SKI: variants seen among roughly 807,000 people sequenced by gnomAD.
The protein encoded by SKI is ski oncogene.
SKI carries 23 observed loss-of-function variants against 59.3 expected under a neutral mutation model. The ratio of observed to expected loss-of-function variants is 0.39; its 90% CI spans 0.28 to 0.55. SKI has a LOEUF of 0.55. SKI is among the 20% of genes least tolerant of loss of function. SKI has a pLI of 0.67. For missense variants in SKI, 1,017 were observed against 1,038.9 expected, an observed-to-expected ratio of 0.98 and a Z score of 0.29; for synonymous variants, 673 against 488.6, an observed-to-expected ratio of 1.38 and a Z score of -4.98.
intron 1 of SKI, among the ~76,000 whole-genome samples, chr1:2,258,117 T>C (rs1557824550): frequency 6.6e-6 from 1 of 152,212 alleles, no homozygotes; most frequent in Non-Finnish European, 1.5e-5. Flanking sequence ...TAAAGGGAAA[T>C]ATGGCAATAC....
chr1:2,242,121 C>T (rs1460044748), intron 1 of SKI, among the ~76,000 whole-genome samples: 1 of 152,224 alleles, frequency 6.6e-6, no homozygotes, highest in East Asian at 1.9e-4. Context: ...CCAGCCTCCC[C>T]ACCTAGAGAC....
At chr1:2,296,597 T>C (rs1167551433) in intron 1 of SKI, among the ~76,000 whole-genome samples, 2 of 152,182 alleles carry the variant, frequency 1.3e-5, no homozygotes, top group Non-Finnish European at 2.9e-5. Flanking sequence ...CTTGCTGACT[T>C]GCAGAGTTCT....
chr1:2,306,208 G>C lies in SKI; in HGVS notation c.1956G>C (p.Lys652Asn). ...CGCGGCAGGCCCGGGTGTGCGACAA[G>C]GGCTGCGAGGCGGGCCGCCTGCGCG... ...EQARQARVCD[K>N]GCEAGRLRAK... The change falls in exon 6 of 7, where the codon AAG (lysine) becomes AAC (asparagine). Residue 652 changes from lysine to asparagine, a missense_variant. Coordinates refer to ENST00000378536, the MANE Select transcript of SKI (RefSeq NM_003036.4). 6.3e-7 allele frequency: 1 copy of C among 1,577,198 alleles called. No homozygotes were observed. The highest frequency in any genetic ancestry group is 8.6e-7 in the Non-Finnish European group (1 of 1,162,204).
rs1194004718 is a variant in SKI, at chr1:2,280,385, A to T, written c.970-22593A>T. Among the ~76,000 whole-genome samples, 5 of 151,514 alleles carry T rather than the reference A, an allele frequency of 3.3e-5. No homozygotes were observed. In the East Asian group the frequency reaches 9.7e-4, roughly 29 times the overall value. On this transcript the variant is annotated intron_variant, in intron 1 of 6. Transcript: ENST00000378536. ...AGCAAGCGTCTGTCTCAAAAAAAAAAAAAGTCTGACCACAGCCCCTTCTCA... is the reference window on the plus strand; with the variant it reads ...AGCAAGCGTCTGTCTCAAAAAAAAATAAAGTCTGACCACAGCCCCTTCTCA...
intron 1 of SKI, among the ~76,000 whole-genome samples, chr1:2,273,000 C>T (rs1639659187): frequency 6.6e-6 from 1 of 152,218 alleles, no homozygotes; most frequent in Non-Finnish European, 1.5e-5. Context: ...CCCAAAGAGC[C>T]CCTGGAAACA....
chr1:2,273,875 T>G (rs1639683656), intron 1 of SKI, among the ~76,000 whole-genome samples: 2 of 152,052 alleles, frequency 1.3e-5, no homozygotes, highest in Non-Finnish European at 2.9e-5. Flanking sequence ...TCTTGGGTGG[T>G]TGTGGTGGGG....
chr1:2,301,063 G>A lies in SKI; in HGVS notation c.970-1915G>A, dbSNP rs556834211. Among the ~76,000 whole-genome samples, 218 of 152,246 alleles carry A rather than the reference G, an allele frequency of 1.4e-3. 3 individuals are homozygous for A. The highest frequency in any genetic ancestry group is 1.4e-3 in the Non-Finnish European group (97 of 68,008). On this transcript the variant is annotated intron_variant, in intron 1 of 6. Transcript: ENST00000378536. ...GCGCCGGCTGTTGTGGCTTTTCCCC[G>A]GGTGATAACTGAGCCGAATTTCCGC...
At chr1:2,242,999 G>A (rs1252010935) in intron 1 of SKI, among the ~76,000 whole-genome samples, 1 of 152,258 alleles carries the variant, frequency 6.6e-6, no homozygotes, top group East Asian at 1.9e-4. Context: ...AAAGGCAAAC[G>A]CAGACATGGG....
intron 1 of SKI, among the ~76,000 whole-genome samples, chr1:2,293,629 T>C (rs371034913): frequency 2.0e-5 from 3 of 152,332 alleles, no homozygotes; most frequent in African/African-American, 7.2e-5. Context: ...GGATGTCTCC[T>C]TCTCATTCCC....
chr1:2,295,983 C>T (rs2843163), intron 1 of SKI, among the ~76,000 whole-genome samples: 53,006 of 151,986 alleles, frequency 0.35, 10,204 homozygotes, highest in African/African-American at 0.51. Context: ...GTTAAGCTTC[C>T]GAGGACCTGC....
chr1:2,272,305 A>G (rs1315246201), intron 1 of SKI, among the ~76,000 whole-genome samples: 1 of 152,258 alleles, frequency 6.6e-6, no homozygotes, highest in African/African-American at 2.4e-5. Context: ...AAAATTAAGC[A>G]AAACACACAT....
Position 2,308,540 on chromosome 1 carries a change from G to T in SKI, c.*1775G>T, listed in dbSNP as rs1640657848. The T allele has an allele frequency of 6.6e-6, 1 of 152,168 alleles. No homozygotes were observed. Among genetic ancestry groups the T allele is most frequent in the South Asian group, 2.1e-4 (1 of 4,834 alleles). The allele number at this position is 152,168 out of a possible 1,614,324, so 9.4% of individuals were successfully genotyped here. A position where few individuals can be genotyped will look rare whatever the true frequency, so the allele number is the denominator to read the frequency against. ...TCAGCGGGCATTATTACCGTGTCTT[G>T]TAAAGGGTCGGTTTTGTTATGCAAC... On this transcript the variant is annotated 3_prime_UTR_variant, in exon 7 of 7. Transcript: ENST00000378536.
chr1:2,297,774 G>A (rs538965581), intron 1 of SKI, among the ~76,000 whole-genome samples: 1 of 152,342 alleles, frequency 6.6e-6, no homozygotes, highest in South Asian at 2.1e-4. Context: ...GCCTGGTTGC[G>A]GATGCTGCAT....
chr1:2,235,582 G>A (rs147073890), intron 1 of SKI, among the ~76,000 whole-genome samples: 1 of 152,358 alleles, frequency 6.6e-6, no homozygotes, highest in East Asian at 1.9e-4. Context: ...GCTTCCCAGA[G>A]CCTGCATGTT....
At chr1:2,237,377 C>T (rs564117440) in intron 1 of SKI, among the ~76,000 whole-genome samples, 60 of 152,322 alleles carry the variant, frequency 3.9e-4, no homozygotes, top group Middle Eastern at 3.4e-3. Context: ...TGCGGCTGTG[C>T]CGGTGGTTTC....
At chr1:2,287,469 T>C (rs1309926353) in intron 1 of SKI, among the ~76,000 whole-genome samples, 3 of 151,778 alleles carry the variant, frequency 2.0e-5, no homozygotes, top group Non-Finnish European at 4.4e-5. Context: ...CCCGAGTAGC[T>C]GGGACTACAG....
chr1:2,243,986 C>G (rs1049551766), intron 1 of SKI, among the ~76,000 whole-genome samples: 1 of 145,166 alleles, frequency 6.9e-6, no homozygotes, highest in Non-Finnish European at 1.5e-5. Context: ...CTTTTTTTGA[C>G]ACAGAGTCTC....
rs1640671740 is a variant in SKI at position 2,308,950 on chromosome 1, T to G, written c.*2185T>G. On this transcript the variant is annotated 3_prime_UTR_variant, in exon 7 of 7. Coordinates refer to ENST00000378536, the MANE Select transcript of SKI (RefSeq NM_003036.4). ...TGGCAGCCCTTCCCCACTTCGGCTC[T>G]GGGAGGGTCCAGCCAGTGTCACCTG... 1 of 152,324 alleles carries G rather than the reference T, an allele frequency of 6.6e-6. No homozygotes were observed. The highest frequency in any genetic ancestry group is 1.5e-5 in the Non-Finnish European group (1 of 68,122). 9.4% of individuals were successfully genotyped at this position (152,324 alleles called of 1,614,324 possible). A position where few individuals can be genotyped will look rare whatever the true frequency, so the allele number is the denominator to read the frequency against.
intron 1 of SKI, among the ~76,000 whole-genome samples, chr1:2,258,931 G>GT (rs1021396059): frequency 6.6e-6 from 1 of 152,090 alleles, no homozygotes; most frequent in Admixed American, 6.6e-5. Flanking sequence ...TTTGCCTCGG[G>GT]GTGTGTTCCT....
Sources: allele counts gnomAD v4.1 joint callset (sites outside exome capture counted in the v4.1 genomes callset), GRCh38; gene constraint gnomAD v4.1.1; transcripts MANE v1.5; gene names NCBI Gene and HGNC (gene_info 2026-07-23, HGNC 2026-07-21).